Variants in PDXK observed in about 807,000 individuals in gnomAD.
PDXK encodes the protein epididymis secretory sperm binding protein Li 1a.
PDXK carries 15 observed loss-of-function variants against 43.2 expected under a neutral mutation model. That is an observed-to-expected ratio of 0.35 (90% CI 0.23 to 0.53). The LOEUF (loss-of-function observed/expected upper bound fraction) is 0.53, where lower values mean the gene tolerates loss of function less well. Ranked by LOEUF, PDXK falls within the 20% of genes least tolerant of loss-of-function variation. The pLI, the probability that PDXK is intolerant of heterozygous loss-of-function variation, is 0.92. For synonymous variants in PDXK, 172 were observed against 165.4 expected, an observed-to-expected ratio of 1.04 and a Z score of -0.31; for missense variants, 343 against 417.0, an observed-to-expected ratio of 0.82 and a Z score of 1.54.
At chr21:43,733,247 ATCCCC>A (rs1407792600) in intron 1 of PDXK, among the ~76,000 whole-genome samples, 9 of 26,840 alleles carry the variant, frequency 3.4e-4, no homozygotes, top group South Asian at 1.9e-3. Context: ...GCCCCTCCCC[ATCCCC>A]ACCCCCCCCC....
chr21:43,727,463 G>T (rs995097012), intron 1 of PDXK, among the ~76,000 whole-genome samples: 18 of 152,204 alleles, frequency 1.2e-4, no homozygotes, highest in African/African-American at 4.1e-4. Context: ...AGACAAGCCT[G>T]CCAGCCCCTG....
At chr21:43,745,795 A>C in intron 4 of PDXK, 1 of 425,422 alleles carries the variant, frequency 2.4e-6, no homozygotes, top group Non-Finnish European at 4.3e-6. Context: ...CTAGGAGTTC[A>C]AAACCAGCCT....
intron 5 of PDXK, 53 bp from the exon 6 acceptor site, chr21:43,748,942 C>T (rs913467115): frequency 4.4e-5 from 50 of 1,132,022 alleles, no homozygotes; most frequent in South Asian, 3.2e-4. Context: ...CGCCCCCTGG[C>T]GTGCTTCCCT....
At chr21:43,755,619 G>A (rs1315258322) in intron 9 of PDXK, 79 bp from the exon 10 acceptor site, 7 of 1,219,334 alleles carry the variant, frequency 5.7e-6, no homozygotes, top group Admixed American at 1.7e-5. Context: ...GTGTTCCCTG[G>A]AAATCCCCTC....
rs919124295 is a variant in PDXK, at chr21:43,734,943, G to A, written c.142+820G>A. 2.6e-5 allele frequency among the ~76,000 whole-genome samples: 4 copies of A among 152,214 alleles called. No homozygotes were observed. Among genetic ancestry groups the A allele is most frequent in the African/African-American group, 7.2e-5 (3 of 41,446 alleles). On this transcript the variant is annotated intron_variant, in intron 2 of 10. Transcript: ENST00000291565. The surrounding 1 kb of genome is among the most constrained non-coding windows in gnomAD (Gnocchi z 5.0). Reference sequence around the variant, plus strand: ...AAACAGCCTGGCAGAGCATCAGTGCGATATGTTGGAGCAGGGAGGAGGGGC... The same window carrying A: ...AAACAGCCTGGCAGAGCATCAGTGCAATATGTTGGAGCAGGGAGGAGGGGC...
intron 10 of PDXK, 29 bp downstream of exon 10, chr21:43,755,793 T>A (rs144893264): frequency 1.3e-6 from 2 of 1,598,302 alleles, no homozygotes; most frequent in Non-Finnish European, 1.7e-6. Context: ...ATGGGCTGCG[T>A]GGGCTCCTGG....
rs760868476 is a variant in PDXK, at chr21:43,753,753, C to G, written c.759+34C>G. The G allele has an allele frequency of 4.4e-6, 7 of 1,583,350 alleles. No individual in the cohort carries two copies. In the Admixed American group the frequency reaches 1.2e-4, roughly 27 times the overall value. On this transcript the variant is annotated intron_variant, in intron 9 of 10. Coordinates refer to ENST00000291565, the MANE Select transcript of PDXK (RefSeq NM_003681.5). The stretch of plus-strand genomic sequence containing the variant: ...CACGCACCGCTCCCCTCCTCGCCCA[C>G]TCCCACGGCACCTCATGGGGAGCAG...
intron 2 of PDXK, among the ~76,000 whole-genome samples, chr21:43,739,127 G>C (rs1202957276): frequency 2.6e-5 from 4 of 151,960 alleles, no homozygotes; most frequent in African/African-American, 9.7e-5. Context: ...GTAGGGACGG[G>C]GTTTCACAGT....
At position 43,737,090 on chromosome 21, in the gene PDXK, GCCCACCT is replaced by G; in HGVS notation, c.142+2970_142+2976del. The G allele has an allele frequency of 1.2e-6, 1 of 858,932 alleles. No individual in the cohort carries two copies. The highest frequency in any genetic ancestry group is 2.6e-5 in the East Asian group (1 of 37,884). The allele number at this position is 858,932 out of a possible 1,614,324, so 53.2% of individuals were successfully genotyped here. On this transcript the variant is annotated intron_variant, in intron 2 of 10. Transcript: ENST00000291565. This position sits in a 1 kb window ranked among gnomAD's most constrained non-coding sequence, Gnocchi z 4.8. ...TGGGACTATAGTTGTGCACCAGCACGCCCACCTCCTGCCCAGGGTTGTTACTGGGGTG... is the reference window on the plus strand; with the variant it reads ...TGGGACTATAGTTGTGCACCAGCACGCCTGCCCAGGGTTGTTACTGGGGTG...
At chr21:43,751,319 TG>T (rs1484373954) in intron 7 of PDXK, among the ~76,000 whole-genome samples, 1 of 152,078 alleles carries the variant, frequency 6.6e-6, no homozygotes, top group African/African-American at 2.4e-5. Context: ...GAGACTGAGG[TG>T]GTCAGATCAC....
Position 43,734,209 on chromosome 21 carries a change from AGTGTGGGTGTGAGGGACGGGG to A in PDXK, c.142+87_142+107del. ...AGTGTGGGTGTGAGGGACGGGGCGG[AGTGTGGGTGTGAGGGACGGGG>A]CTTTCGTGTGGACGGGGACCTGGAG... On this transcript the variant is annotated intron_variant, in intron 2 of 10. Coordinates refer to ENST00000291565, the MANE Select transcript of PDXK (RefSeq NM_003681.5). The surrounding 1 kb of genome is among the most constrained non-coding windows in gnomAD (Gnocchi z 5.0). 1 of 1,262,748 alleles carries A rather than the reference AGTGTGGGTGTGAGGGACGGGG, an allele frequency of 7.9e-7. No homozygotes were observed. Among genetic ancestry groups the A allele is most frequent in the African/African-American group, 1.7e-5 (1 of 57,742 alleles). The allele number at this position is 1,262,748 out of a possible 1,614,324, so 78.2% of individuals were successfully genotyped here. A position where few individuals can be genotyped will look rare whatever the true frequency, so the allele number is the denominator to read the frequency against.
chr21:43,737,563 C>T lies in PDXK; in HGVS notation c.142+3440C>T, dbSNP rs2083426296. 4.0e-6 allele frequency: 4 copies of T among 1,002,846 alleles called. No homozygotes were observed. In the South Asian group the frequency reaches 1.7e-4, roughly 42 times the overall value. 62.1% of individuals were successfully genotyped at this position (1,002,846 alleles called of 1,614,324 possible). On this transcript the variant is annotated intron_variant, in intron 2 of 10. Transcript: ENST00000291565. This position sits in a 1 kb window ranked among gnomAD's most constrained non-coding sequence, Gnocchi z 4.8. ...CTGTCCTGGCTTTCGGAGTGTAGAG[C>T]CAGAGGGGATGGGACAGGTGCCCTG...
intron 9 of PDXK, 118 bp from the exon 10 acceptor site, chr21:43,755,580 C>T (rs1754709225): frequency 5.7e-6 from 5 of 875,832 alleles, no homozygotes; most frequent in South Asian, 5.6e-5. Context: ...AGCCGGCTCC[C>T]CGGTGGCTCG....
chr21:43,753,459 G>A (rs2083791040), intron 8 of PDXK, 124 bp from the exon 9 acceptor site: 7 of 939,094 alleles, frequency 7.5e-6, no homozygotes, highest in Non-Finnish European at 7.8e-6. Flanking sequence ...TCCTGAGCAA[G>A]GCCACCTTGT....
intron 1 of PDXK, among the ~76,000 whole-genome samples, chr21:43,731,293 G>T (rs142727570): frequency 1.6e-4 from 24 of 152,288 alleles, no homozygotes; most frequent in Non-Finnish European, 2.4e-4. Context: ...TTCAGCCTGA[G>T]AAAACTCTGC....
intron 7 of PDXK, among the ~76,000 whole-genome samples, chr21:43,750,962 A>ATATGTGTGTGTG (rs36141783): frequency 1.3e-3 from 191 of 150,738 alleles, no homozygotes; most frequent in Middle Eastern, 0.01. Context: ...ATGTGTGTGC[A>ATATGTGTGTGTG]TGTGTGTGTG....
chr21:43,756,153 A>G lies in PDXK; in HGVS notation c.*90A>G. On this transcript the variant is annotated 3_prime_UTR_variant, in exon 11 of 11. Transcript: ENST00000291565. ...ATGTAACGTCTGCCTTAGAGCCATG[A>G]CCGAAACTTGATATTTTTTTCTTTC... is the stretch of plus-strand genomic sequence containing the variant. The G allele has an allele frequency of 2.8e-6, 2 of 715,484 alleles. No individual in the cohort carries two copies. Among genetic ancestry groups the G allele is most frequent in the Non-Finnish European group, 4.8e-6 (2 of 419,678 alleles). The allele number at this position is 715,484 out of a possible 1,614,324, so 44.3% of individuals were successfully genotyped here.
chr21:43,729,172 C>T (rs758162697), intron 1 of PDXK, among the ~76,000 whole-genome samples: 5 of 152,048 alleles, frequency 3.3e-5, no homozygotes, highest in Admixed American at 3.3e-4. Context: ...TTACACCTTG[C>T]GGTAGAGGCT....
chr21:43,726,282 T>A (rs951079482), intron 1 of PDXK, among the ~76,000 whole-genome samples: 2 of 144,018 alleles, frequency 1.4e-5, no homozygotes, highest in Non-Finnish European at 3.0e-5. Flanking sequence ...TTTTTTTTTT[T>A]TTTTTTTTGA....
Sources: gnomAD v4.1 joint callset for allele counts (sites outside exome capture counted in the v4.1 genomes callset) on GRCh38, gnomAD v4.1.1 for gene constraint, Gnocchi (gnomAD v3.1) non-coding constraint, MANE v1.5 for transcripts, NCBI Gene and HGNC (gene_info 2026-07-23, HGNC 2026-07-21) for gene names.